CSNK1G3: variants seen among roughly 807,000 people sequenced by gnomAD.
CSNK1G3 encodes casein kinase I isoform gamma-3.
Under a neutral mutation model 64.3 loss-of-function variants are expected in CSNK1G3, and 23 were observed. The observed-to-expected ratio is 0.36, with a 90% confidence interval of 0.26 to 0.51. CSNK1G3 has a LOEUF of 0.51. Ranked by LOEUF, CSNK1G3 falls within the 20% of genes least tolerant of loss-of-function variation. The pLI, the probability that CSNK1G3 is intolerant of heterozygous loss-of-function variation, is 0.96. For missense variants in CSNK1G3, 357 were observed against 510.5 expected (o/e 0.70, Z 2.90); for synonymous variants, 158 against 162.2 (o/e 0.97, Z 0.20).
At chr5:123,518,104 G>T (rs1777494252) in intron 1 of CSNK1G3, among the ~76,000 whole-genome samples, 1 of 152,166 alleles carries the variant, frequency 6.6e-6, no homozygotes, top group Non-Finnish European at 1.5e-5. Flanking sequence ...GGTTGAAGGG[G>T]TAAGCCTTCT....
At chr5:123,531,565 A>G (rs1779944049) in intron 1 of CSNK1G3, among the ~76,000 whole-genome samples, 1 of 152,064 alleles carries the variant, frequency 6.6e-6, no homozygotes, top group Non-Finnish European at 1.5e-5. Flanking sequence ...TTACTATATC[A>G]AAATTGTAAT....
intron 4 of CSNK1G3, among the ~76,000 whole-genome samples, chr5:123,569,179 T>C (rs752297614): frequency 2.0e-5 from 3 of 152,164 alleles, no homozygotes; most frequent in Admixed American, 6.5e-5. Flanking sequence ...ATAGGGTAAT[T>C]TTCCTCCAAA....
exon 13 of CSNK1G3, chr5:123,614,404 C>T: frequency 6.2e-7 from 1 of 1,611,398 alleles, no homozygotes; most frequent in Non-Finnish European, 8.5e-7. Context: ...TGACTCTGGA[C>T]ACAGACAGAT....
At chr5:123,579,430 A>G (rs1789825228) in intron 6 of CSNK1G3, among the ~76,000 whole-genome samples, 1 of 151,884 alleles carries the variant, frequency 6.6e-6, no homozygotes, top group Non-Finnish European at 1.5e-5. Context: ...TTGGGTAGCT[A>G]TACAACTTTT....
chr5:123,545,682 G>C, exon 2 of CSNK1G3: 1 of 1,612,376 alleles, frequency 6.2e-7, no homozygotes. Flanking sequence ...TAAAAAGAAA[G>C]ACAAGGACAA....
Position 123,553,166 on chromosome 5 carries a change from A to C in CSNK1G3, c.219+19A>C. 8.0e-7 allele frequency: 1 copy of C among 1,251,164 alleles called. No individual in the cohort carries two copies. Among genetic ancestry groups the C allele is most frequent in the Non-Finnish European group, 1.1e-6 (1 of 910,368 alleles). The allele number at this position is 1,251,164 out of a possible 1,614,324, so 77.5% of individuals were successfully genotyped here. On this transcript the variant is annotated intron_variant, in intron 3 of 12. Transcript: ENST00000345990. ...TAAGTTGGTAAGTTCCTGTTTCTTA[A>C]TTTTTCTTAATGATTTCTTTGTTAC...
At chr5:123,546,639 C>G (rs867664166) in intron 2 of CSNK1G3, among the ~76,000 whole-genome samples, 1 of 151,764 alleles carries the variant, frequency 6.6e-6, no homozygotes, top group Non-Finnish European at 1.5e-5. Flanking sequence ...CAGGAGGGCT[C>G]TGGTCAGTGG....
chr5:123,590,305 AC>A (rs1792104881), intron 8 of CSNK1G3, 104 bp from the exon 9 acceptor site: 2 of 458,698 alleles, frequency 4.4e-6, no homozygotes, highest in South Asian at 9.3e-5. Flanking sequence ...TAATTTTGTT[AC>A]TTTTCAAGTG....
At chr5:123,548,159 A>G (rs755975112) in intron 2 of CSNK1G3, among the ~76,000 whole-genome samples, 31 of 152,094 alleles carry the variant, frequency 2.0e-4, no homozygotes, top group Non-Finnish European at 4.1e-4. Flanking sequence ...CAGGGCATTT[A>G]AAACTTGAGA....
intron 1 of CSNK1G3, among the ~76,000 whole-genome samples, chr5:123,536,730 T>TA (rs1292197544): frequency 6.6e-6 from 1 of 151,992 alleles, no homozygotes; most frequent in Non-Finnish European, 1.5e-5. Context: ...CATTAATTGT[T>TA]AAAAAAGTGG....
intron 6 of CSNK1G3, among the ~76,000 whole-genome samples, chr5:123,577,652 A>G (rs1789439889): frequency 1.3e-5 from 2 of 152,102 alleles, no homozygotes; most frequent in South Asian, 4.1e-4. Flanking sequence ...AGATTGCCAA[A>G]TGATACCACT....
chr5:123,549,912 G>C (rs1783316634), intron 2 of CSNK1G3, among the ~76,000 whole-genome samples: 1 of 152,152 alleles, frequency 6.6e-6, no homozygotes, highest in African/African-American at 2.4e-5. Context: ...TGCCACAGGA[G>C]CTTCCATAAC....
At chr5:123,566,225 A>G (rs774180096) in intron 4 of CSNK1G3, among the ~76,000 whole-genome samples, 2 of 152,188 alleles carry the variant, frequency 1.3e-5, no homozygotes, top group Non-Finnish European at 2.9e-5. Context: ...AAAATGAGAT[A>G]TTTAATGAAG....
chr5:123,557,381 C>T (rs2150414566), intron 3 of CSNK1G3, 114 bp from the exon 4 acceptor site: 1 of 666,128 alleles, frequency 1.5e-6, no homozygotes, highest in East Asian at 2.9e-5. Context: ...GACAAAGATG[C>T]CTGGTAGACT....
intron 1 of CSNK1G3, among the ~76,000 whole-genome samples, chr5:123,524,364 G>A (rs1309518736): frequency 6.6e-6 from 1 of 152,124 alleles, no homozygotes; most frequent in African/African-American, 2.4e-5. Context: ...TAGTCCTTGG[G>A]GTTACATAAT....
intron 5 of CSNK1G3, among the ~76,000 whole-genome samples, chr5:123,573,856 T>G (rs1435862650): frequency 6.6e-6 from 1 of 151,606 alleles, no homozygotes; most frequent in East Asian, 1.9e-4. Flanking sequence ...ATAGATTTTT[T>G]TTTTTTTTTT....
chr5:123,529,411 T>A (rs906372162), intron 1 of CSNK1G3, among the ~76,000 whole-genome samples: 1 of 152,190 alleles, frequency 6.6e-6, no homozygotes, highest in Non-Finnish European at 1.5e-5. Context: ...AACATTCTTT[T>A]AAATCAGTAT....
intron 6 of CSNK1G3, among the ~76,000 whole-genome samples, chr5:123,586,630 C>T (rs1196902531): frequency 6.6e-6 from 1 of 152,118 alleles, no homozygotes; most frequent in African/African-American, 2.4e-5. Context: ...CTCTAGTCTT[C>T]CAATCTTGTA....
intron 2 of CSNK1G3, among the ~76,000 whole-genome samples, chr5:123,550,250 C>T (rs1284146214): frequency 6.6e-6 from 1 of 152,194 alleles, no homozygotes; most frequent in Non-Finnish European, 1.5e-5. Context: ...AACCCGAAGG[C>T]TGTCAGGGTA....
Sources: allele counts gnomAD v4.1 joint callset (sites outside exome capture counted in the v4.1 genomes callset), GRCh38; gene constraint gnomAD v4.1.1; transcripts MANE v1.5; gene names NCBI Gene and HGNC (gene_info 2026-07-23, HGNC 2026-07-21).